The following FAF1 variants were observed in gnomAD, a reference collection of about 807,000 sequenced individuals.
FAF1 encodes the protein FAS-associated factor 1.
FAF1 carries 25 observed loss-of-function variants against 92.5 expected under a neutral mutation model. The observed-to-expected ratio is 0.27, with a 90% CI of 0.20 to 0.38. The LOEUF is 0.38. Among genes scored for constraint, FAF1 ranks in the 10% least tolerant of loss-of-function variants. FAF1 has a pLI of 1.00. For missense variants in FAF1, 636 were observed against 793.3 expected (o/e 0.80, Z 2.38); for synonymous variants, 234 against 273.2 (o/e 0.86, Z 1.42).
At chr1:50,764,395 A>G (rs1329031725) in intron 4 of FAF1, among the ~76,000 whole-genome samples, 1 of 152,192 alleles carries the variant, frequency 6.6e-6, no homozygotes, top group Non-Finnish European at 1.5e-5. Context: ...AAAGATTTGC[A>G]GAAAGCATCA....
At chr1:50,762,704 A>G (rs999573336) in intron 4 of FAF1, among the ~76,000 whole-genome samples, 4 of 152,226 alleles carry the variant, frequency 2.6e-5, no homozygotes, top group African/African-American at 9.7e-5. Context: ...TGGATTAAAG[A>G]CTTAAATGTT....
At chr1:50,534,084 T>A (rs369219552) in intron 15 of FAF1, among the ~76,000 whole-genome samples, 2 of 152,218 alleles carry the variant, frequency 1.3e-5, no homozygotes, top group South Asian at 2.1e-4. Context: ...AGCTTCTAAT[T>A]AGGCTAAATT....
intron 1 of FAF1, among the ~76,000 whole-genome samples, chr1:50,876,283 G>C (rs1351986182): frequency 1.3e-5 from 2 of 152,128 alleles, no homozygotes; most frequent in Non-Finnish European, 2.9e-5. Flanking sequence ...GTACGTTCTG[G>C]AAAGTAAAAG....
intron 6 of FAF1, among the ~76,000 whole-genome samples, chr1:50,738,443 CAA>C (rs533056212): frequency 2.4e-4 from 19 of 79,068 alleles, no homozygotes; most frequent in Admixed American, 3.0e-4. Context: ...AACTCCGTCG[CAA>C]AAAAAAAAAA....
At chr1:50,703,683 T>A (rs910943158) in intron 7 of FAF1, among the ~76,000 whole-genome samples, 1 of 152,196 alleles carries the variant, frequency 6.6e-6, no homozygotes, top group East Asian at 1.9e-4. Flanking sequence ...GGAACATTTT[T>A]AAAATGACAT....
chr1:50,801,544 A>G, intron 3 of FAF1, 87 bp downstream of exon 3: 1 of 735,950 alleles, frequency 1.4e-6, no homozygotes, highest in Non-Finnish European at 2.4e-6. Context: ...TCAATGCTCT[A>G]TTAAAAAATA....
intron 8 of FAF1, among the ~76,000 whole-genome samples, chr1:50,633,606 G>A (rs1453463259): frequency 6.6e-6 from 1 of 152,182 alleles, no homozygotes; most frequent in Non-Finnish European, 1.5e-5. Context: ...TCTGAGCTCT[G>A]TCACTACGGC....
intron 7 of FAF1, among the ~76,000 whole-genome samples, chr1:50,672,373 G>C (rs1655935232): frequency 6.6e-6 from 1 of 151,950 alleles, no homozygotes; most frequent in Admixed American, 6.6e-5. Flanking sequence ...GATTTTTTGA[G>C]ATGGATTTAT....
At chr1:50,919,907 A>G (rs1644949774) in intron 1 of FAF1, among the ~76,000 whole-genome samples, 1 of 152,226 alleles carries the variant, frequency 6.6e-6, no homozygotes. Context: ...TATAGCAAAG[A>G]TGAGATCTGC....
At chr1:50,519,938 T>C (rs1053329282) in intron 15 of FAF1, among the ~76,000 whole-genome samples, 8 of 152,366 alleles carry the variant, frequency 5.3e-5, no homozygotes, top group South Asian at 2.1e-4. Flanking sequence ...TCATAATACA[T>C]GCAATCCTTT....
intron 6 of FAF1, among the ~76,000 whole-genome samples, chr1:50,715,893 T>TTA (rs1658147132): frequency 1.3e-5 from 2 of 152,202 alleles, no homozygotes; most frequent in Admixed American, 6.5e-5. Context: ...ACAGGTATTT[T>TTA]TATATATATG....
chr1:50,706,719 A>C (rs1657689256), intron 6 of FAF1, among the ~76,000 whole-genome samples: 1 of 152,236 alleles, frequency 6.6e-6, no homozygotes, highest in African/African-American at 2.4e-5. Context: ...TATTATTTTC[A>C]TCAGTATTGA....
chr1:50,867,599 T>C (rs1644492673), intron 1 of FAF1, among the ~76,000 whole-genome samples: 1 of 152,128 alleles, frequency 6.6e-6, no homozygotes, highest in Non-Finnish European at 1.5e-5. Flanking sequence ...TCACTAATGA[T>C]CAGGCAAATG....
In FAF1 at chr1:50,493,252, C is replaced by T. The variant is rs193270255; in HGVS notation, c.1495-1451G>A. On this transcript the variant is annotated intron_variant, in intron 15 of 18. Transcript: ENST00000396153. ...TTCACCATATTAGCCAGGCTGGTCTCGAACTCCTGACCTCAAGTGATCTGC... is the reference window on the plus strand; with the variant it reads ...TTCACCATATTAGCCAGGCTGGTCTTGAACTCCTGACCTCAAGTGATCTGC... 2.2e-4 allele frequency among the ~76,000 whole-genome samples: 33 copies of T among 152,172 alleles called. No individual in the cohort carries two copies. The East Asian group carries it at 6.2e-3, about 29-fold the overall frequency.
intron 1 of FAF1, among the ~76,000 whole-genome samples, chr1:50,897,968 T>G (rs1644769494): frequency 6.6e-6 from 1 of 152,178 alleles, no homozygotes; most frequent in Non-Finnish European, 1.5e-5. Flanking sequence ...CTGAGCCCAA[T>G]CTGTTCCATC....
chr1:50,582,289 C>A (rs908158056), intron 12 of FAF1: 8 of 232,192 alleles, frequency 3.4e-5, no homozygotes, highest in Non-Finnish European at 6.7e-5. Flanking sequence ...CAAGAGCCAG[C>A]AGTACCCCTA....
At chr1:50,843,240 C>T (rs748420631) in intron 2 of FAF1, among the ~76,000 whole-genome samples, 9 of 151,944 alleles carry the variant, frequency 5.9e-5, no homozygotes, top group Non-Finnish European at 7.4e-5. Context: ...CTATGGTTTC[C>T]GACCTAATTC....
chr1:50,493,598 T>C (rs1646865148), intron 15 of FAF1, among the ~76,000 whole-genome samples: 1 of 152,232 alleles, frequency 6.6e-6, no homozygotes, highest in Admixed American at 6.5e-5. Flanking sequence ...TAATTATTTA[T>C]TTAATGCTAA....
intron 7 of FAF1, among the ~76,000 whole-genome samples, chr1:50,692,368 G>A (rs538514723): frequency 2.2e-4 from 34 of 151,274 alleles, no homozygotes; most frequent in African/African-American, 7.5e-4. Flanking sequence ...TCACCCTGCT[G>A]TACGAAAGAC....
Sources: gnomAD v4.1 joint callset for allele counts (sites outside exome capture counted in the v4.1 genomes callset) on GRCh38, gnomAD v4.1.1 for gene constraint, MANE v1.5 for transcripts, NCBI Gene and HGNC (gene_info 2026-07-23, HGNC 2026-07-21) for gene names.